Variants in SH3KBP1 observed in about 807,000 individuals in gnomAD.
SH3KBP1 encodes the protein SH3 domain-containing kinase-binding protein 1.
Under a neutral mutation model 50.1 loss-of-function variants are expected in SH3KBP1, and 8 were observed. The ratio of observed to expected loss-of-function variants is 0.16; its 90% CI spans 0.09 to 0.29. SH3KBP1 has a LOEUF of 0.29. Among genes scored for constraint, SH3KBP1 ranks in the 10% least tolerant of loss-of-function variants. The pLI is 1.00. For synonymous variants in SH3KBP1, 227 were observed against 218.6 expected (o/e 1.04, Z -0.34); for missense variants, 377 against 535.2 (o/e 0.70, Z 2.92).
At chrX:19,760,029 T>C (rs1569459358) in intron 2 of SH3KBP1, among the ~76,000 whole-genome samples, 8 of 68,543 alleles carry the variant, frequency 1.2e-4, no homozygotes, top group Non-Finnish European at 8.0e-5. Context: ...CTCTCCTCTC[T>C]CTCTCTCTCT....
chrX:19,749,449 G>C (rs1448219912), intron 2 of SH3KBP1, among the ~76,000 whole-genome samples: 2 of 112,492 alleles, frequency 1.8e-5, no homozygotes, highest in Non-Finnish European at 3.8e-5. Flanking sequence ...AACAAGATAT[G>C]GTATATCCAC....
chrX:19,785,363 C>CAAA (rs373801274), intron 2 of SH3KBP1, among the ~76,000 whole-genome samples: 1 of 84,755 alleles, frequency 1.2e-5, no homozygotes. Context: ...ACAAAAAATA[C>CAAA]AAAAAAAAAA....
intron 2 of SH3KBP1, among the ~76,000 whole-genome samples, chrX:19,751,206 T>C (rs187671615): frequency 7.1e-5 from 8 of 112,189 alleles, no homozygotes; most frequent in Non-Finnish European, 1.3e-4. Flanking sequence ...AGAGGAGGGT[T>C]GGCTTGGAAC....
At chrX:19,670,282 A>C in intron 6 of SH3KBP1, 1 of 653,970 alleles carries the variant, frequency 1.5e-6, no homozygotes, top group Non-Finnish European at 1.8e-6. Context: ...TAAAAAAAGC[A>C]GTTCAATAGC....
At chrX:19,606,783 C>A (rs1273066352) in intron 9 of SH3KBP1, among the ~76,000 whole-genome samples, 1 of 111,857 alleles carries the variant, frequency 8.9e-6, no homozygotes, top group Non-Finnish European at 1.9e-5. Flanking sequence ...TATTGCCGGT[C>A]CATGGATCTC....
chrX:19,807,959 G>C (rs1238705901), intron 2 of SH3KBP1, among the ~76,000 whole-genome samples: 1 of 112,051 alleles, frequency 8.9e-6, no homozygotes, highest in African/African-American at 3.3e-5. Context: ...ATCTAGTCAG[G>C]AGTTGAGCTG....
At chrX:19,590,122 T>G (rs1296930582) in intron 11 of SH3KBP1, among the ~76,000 whole-genome samples, 2 of 110,392 alleles carry the variant, frequency 1.8e-5, no homozygotes, top group African/African-American at 6.6e-5. Flanking sequence ...AAAAATAAAA[T>G]AAAAATAAAC....
At chrX:19,805,830 T>C (rs1283535468) in intron 2 of SH3KBP1, among the ~76,000 whole-genome samples, 1 of 111,616 alleles carries the variant, frequency 9.0e-6, no homozygotes, top group Non-Finnish European at 1.9e-5. Context: ...ATATAAAAAT[T>C]TGCTGTTTGC....
chrX:19,796,757 G>A (rs1381170345), intron 2 of SH3KBP1, among the ~76,000 whole-genome samples: 1 of 112,316 alleles, frequency 8.9e-6, no homozygotes, highest in Non-Finnish European at 1.9e-5. Context: ...AAGACAGGTG[G>A]TTTTCATTTT....
intron 2 of SH3KBP1, among the ~76,000 whole-genome samples, chrX:19,773,373 C>T (rs1476063034): frequency 1.8e-5 from 2 of 111,066 alleles, no homozygotes; most frequent in Non-Finnish European, 3.8e-5. Flanking sequence ...ATATCTGAGT[C>T]ATCTGCATTC....
intron 4 of SH3KBP1, among the ~76,000 whole-genome samples, chrX:19,701,816 C>T (rs1035883748): frequency 1.8e-5 from 2 of 112,273 alleles, no homozygotes; most frequent in Admixed American, 1.9e-4. Flanking sequence ...TCAATAAACA[C>T]AGTTTCTCTC....
chrX:19,566,014 T>A (rs1433068305), intron 13 of SH3KBP1, among the ~76,000 whole-genome samples: 1 of 101,882 alleles, frequency 9.8e-6, no homozygotes, highest in Non-Finnish European at 2.0e-5. Context: ...AACCTTTGTC[T>A]CCCGGGTTCA....
chrX:19,572,977 T>A (rs1013472038), intron 12 of SH3KBP1, among the ~76,000 whole-genome samples: 1 of 111,760 alleles, frequency 8.9e-6, no homozygotes, highest in Non-Finnish European at 1.9e-5. Flanking sequence ...GGTAGTCTGA[T>A]GGGTGATTTC....
intron 2 of SH3KBP1, among the ~76,000 whole-genome samples, chrX:19,774,615 G>A (rs1416019811): frequency 9.7e-6 from 1 of 103,443 alleles, no homozygotes; most frequent in Non-Finnish European, 2.0e-5. Context: ...AGCTTACAGT[G>A]AGCCGAGTTC....
In SH3KBP1 at chrX:19,599,023, T is replaced by C. The variant is rs183392624; in HGVS notation, c.1006-4023A>G. Among the ~76,000 whole-genome samples, 3 of 111,794 alleles carry C rather than the reference T, an allele frequency of 2.7e-5. No individual in the cohort carries two copies. The East Asian group carries it at 8.5e-4, about 32-fold the overall frequency. ...CAATATCTGAAACACAATGAAGGAA[T>C]GCACAGAAGAATGAAGTATGCCTGT... On this transcript the variant is annotated intron_variant, in intron 9 of 17. Coordinates refer to ENST00000397821, the MANE Select transcript of SH3KBP1 (RefSeq NM_031892.3).
rs3999801 is a variant in SH3KBP1, at chrX:19,774,654, A to AAAAGAAAGAAAGAAAGAAAG, written c.163-28233_163-28214dup. Among the ~76,000 whole-genome samples the AAAAGAAAGAAAGAAAGAAAG allele has an allele frequency of 6.7e-4, 52 of 77,277 alleles. 1 individual carries two copies. The highest frequency in any genetic ancestry group is 3.6e-3 in the East Asian group (9 of 2,512). The allele number at this position is 77,277 out of a possible 115,157, so 67.1% of individuals were successfully genotyped here. On this transcript the variant is annotated intron_variant, in intron 2 of 17. Coordinates refer to ENST00000397821, the MANE Select transcript of SH3KBP1 (RefSeq NM_031892.3). ...CCACTGCACTCCCCTGTCTCAAAAA[A>AAAAGAAAGAAAGAAAGAAAG]AAAGAAAGAAAGAAAGAAAGAAAGA... is the stretch of plus-strand genomic sequence containing the variant.
At chrX:19,579,070 C>A (rs372032891) in intron 12 of SH3KBP1, among the ~76,000 whole-genome samples, 2 of 111,869 alleles carry the variant, frequency 1.8e-5, no homozygotes, top group East Asian at 5.6e-4. Flanking sequence ...AAGCAGAAAC[C>A]AGAGTGGTTT....
chrX:19,548,426 C>T (rs192329017), intron 14 of SH3KBP1, among the ~76,000 whole-genome samples: 71 of 110,038 alleles, frequency 6.5e-4, no homozygotes, highest in African/African-American at 2.3e-3. Context: ...CTAAACAGGT[C>T]GTGGGTATAA....
chrX:19,642,027 A>G (rs183578656), intron 7 of SH3KBP1, among the ~76,000 whole-genome samples: 85 of 110,503 alleles, frequency 7.7e-4, no homozygotes, highest in Admixed American at 1.8e-3. Context: ...TTTTTTGTAG[A>G]GACAGGGTCT....
Sources: gnomAD v4.1 joint callset for allele counts (sites outside exome capture counted in the v4.1 genomes callset) on GRCh38, gnomAD v4.1.1 for gene constraint, MANE v1.5 for transcripts, NCBI Gene and HGNC (gene_info 2026-07-23, HGNC 2026-07-21) for gene names.